Variants in SHISA6 observed in about 807,000 individuals in gnomAD.
The protein encoded by SHISA6 is protein shisa-6.
Under a neutral mutation model 47.9 loss-of-function variants are expected in SHISA6, and 22 were observed. The ratio of observed to expected loss-of-function variants is 0.46; its 90% CI spans 0.33 to 0.66. The LOEUF is 0.66. SHISA6 is among the 30% of genes least tolerant of loss of function. SHISA6 has a pLI of 0.02. For synonymous variants in SHISA6, 388 were observed against 337.8 expected (o/e 1.15, Z -1.63); for missense variants, 680 against 764.6 (o/e 0.89, Z 1.30).
chr17:11,424,576 G>T (rs1914552988), intron 3 of SHISA6, among the ~76,000 whole-genome samples: 1 of 152,142 alleles, frequency 6.6e-6, no homozygotes, highest in South Asian at 2.1e-4. Flanking sequence ...AACTCTTTGT[G>T]ATTTAAAGTG....
rs10706598 is a variant in SHISA6, at chr17:11,464,939, TAA to T, written c.895+85444_895+85445del. ...CCTGGGTGACAAGAGCAAAACTGAT[TAA>T]AAAAAAAAAAAAACCCTTTTATAAG... On this transcript the variant is annotated intron_variant, in intron 3 of 5. Coordinates refer to ENST00000441885, the MANE Select transcript of SHISA6 (RefSeq NM_207386.4). 9.2e-3 allele frequency among the ~76,000 whole-genome samples: 1,335 copies of T among 145,206 alleles called. 14 individuals are homozygous for T. Among genetic ancestry groups the T allele is most frequent in the African/African-American group, 0.032 (1,241 of 39,268 alleles).
intron 3 of SHISA6, among the ~76,000 whole-genome samples, chr17:11,414,797 A>T (rs1914230764): frequency 6.6e-6 from 1 of 152,212 alleles, no homozygotes; most frequent in Non-Finnish European, 1.5e-5. Context: ...TTCTCAAAAG[A>T]AAAAAACAGG....
intron 3 of SHISA6, among the ~76,000 whole-genome samples, chr17:11,470,732 G>C (rs1915916480): frequency 6.7e-6 from 1 of 148,964 alleles, no homozygotes; most frequent in South Asian, 2.1e-4. Context: ...GGTGGGGACA[G>C]AGAGTAAGTA....
intron 3 of SHISA6, among the ~76,000 whole-genome samples, chr17:11,464,708 C>G (rs1915767806): frequency 6.6e-6 from 1 of 152,148 alleles, no homozygotes; most frequent in Non-Finnish European, 1.5e-5. Context: ...TTTGGGAGGC[C>G]AAGGCAGGTG....
intron 2 of SHISA6, among the ~76,000 whole-genome samples, chr17:11,294,179 C>T (rs554926883): frequency 1.8e-3 from 268 of 152,256 alleles, no homozygotes; most frequent in Non-Finnish European, 2.2e-3. Flanking sequence ...CCACCATGCC[C>T]GGCTGGTGTT....
intron 3 of SHISA6, among the ~76,000 whole-genome samples, chr17:11,469,018 CAAAAAAAAAAA>C (rs61191316): frequency 6.5e-5 from 3 of 46,068 alleles, no homozygotes; most frequent in Non-Finnish European, 1.2e-4. Flanking sequence ...GACTCCGTCT[CAAAAAAAAAAA>C]AAAAAAAAAA....
intron 3 of SHISA6, among the ~76,000 whole-genome samples, chr17:11,435,437 G>C (rs907567323): frequency 3.9e-5 from 6 of 151,966 alleles, no homozygotes; most frequent in Non-Finnish European, 8.8e-5. Flanking sequence ...AAGCCTACTA[G>C]ATTTTTAGAA....
At chr17:11,243,502 T>G (rs988402741) in intron 1 of SHISA6, among the ~76,000 whole-genome samples, 7 of 152,252 alleles carry the variant, frequency 4.6e-5, no homozygotes, top group African/African-American at 7.2e-5. Context: ...ATGTCTCAGA[T>G]AGTGCAGTAA....
intron 2 of SHISA6, among the ~76,000 whole-genome samples, chr17:11,323,669 AAATAAT>A (rs60694925): frequency 4.5e-5 from 6 of 132,058 alleles, no homozygotes; most frequent in African/African-American, 7.7e-5. Flanking sequence ...TAAATAAATA[AAATAAT>A]AATAATAATA....
intron 3 of SHISA6, among the ~76,000 whole-genome samples, chr17:11,474,097 C>T (rs9909028): frequency 0.11 from 16,338 of 151,872 alleles, 1,723 homozygotes; most frequent in African/African-American, 0.27. Context: ...CTCATTCTTT[C>T]TTTTTATGGC....
chr17:11,396,179 TATA>T (rs779940589), intron 3 of SHISA6, among the ~76,000 whole-genome samples: 1 of 152,244 alleles, frequency 6.6e-6, no homozygotes, highest in Non-Finnish European at 1.5e-5. Flanking sequence ...TTTTTTGTTT[TATA>T]ATTTAAATGG....
intron 3 of SHISA6, among the ~76,000 whole-genome samples, chr17:11,526,110 A>ACC (rs11393269): frequency 0.33 from 48,626 of 146,536 alleles, 8,075 homozygotes; most frequent in East Asian, 0.47. Flanking sequence ...TACCAAGGGG[A>ACC]CCCCCCCCCG....
intron 3 of SHISA6, among the ~76,000 whole-genome samples, chr17:11,453,996 A>G (rs960979673): frequency 3.9e-5 from 6 of 152,222 alleles, no homozygotes; most frequent in Non-Finnish European, 7.3e-5. Flanking sequence ...TCTTGGGTAA[A>G]TATCTAGGAG....
chr17:11,504,579 G>C (rs2071482480), intron 3 of SHISA6, among the ~76,000 whole-genome samples: 1 of 152,182 alleles, frequency 6.6e-6, no homozygotes. Context: ...CAAATCACAT[G>C]CATCGGCCCA....
intron 3 of SHISA6, among the ~76,000 whole-genome samples, chr17:11,499,683 C>CTTTTTTTTT (rs372464937): frequency 6.1e-4 from 78 of 127,284 alleles, no homozygotes; most frequent in Non-Finnish European, 7.2e-4. Context: ...CTTTTTCTTT[C>CTTTTTTTTT]TTTTTTTTTT....
intron 2 of SHISA6, among the ~76,000 whole-genome samples, chr17:11,310,923 G>A (rs1248897980): frequency 1.2e-4 from 18 of 151,830 alleles, no homozygotes; most frequent in Admixed American, 5.9e-4. Flanking sequence ...CCTGGCTAAC[G>A]TGGTGAAACC....
At chr17:11,503,004 T>G (rs1242463421) in intron 3 of SHISA6, among the ~76,000 whole-genome samples, 1 of 152,178 alleles carries the variant, frequency 6.6e-6, no homozygotes, top group African/African-American at 2.4e-5. Flanking sequence ...AAAACTGGAT[T>G]ACCTTTGATC....
rs1392538654 is a variant in SHISA6 at position 11,448,383 on chromosome 17, C to G, written c.895+68874C>G. On this transcript the variant is annotated intron_variant, in intron 3 of 5. Transcript: ENST00000441885. ...TGGCTCTAAAAAGATAAAAAATTAG[C>G]CGGGCGTGGTGGTGGCATGCATGCC... 2.0e-5 allele frequency among the ~76,000 whole-genome samples: 3 copies of G among 151,702 alleles called. No homozygotes were observed. In the East Asian group the frequency reaches 5.9e-4, roughly 30 times the overall value.
intron 3 of SHISA6, among the ~76,000 whole-genome samples, chr17:11,514,503 A>AC (rs1329389055): frequency 6.6e-6 from 1 of 152,180 alleles, no homozygotes. Context: ...GGGGAAGGTA[A>AC]CTGCAGCAGA....
Sources: allele counts gnomAD v4.1 joint callset (sites outside exome capture counted in the v4.1 genomes callset), GRCh38; gene constraint gnomAD v4.1.1; transcripts MANE v1.5; gene names NCBI Gene and HGNC (gene_info 2026-07-23, HGNC 2026-07-21).